CEP83: variants seen among roughly 807,000 people sequenced by gnomAD.
CEP83 encodes centrosomal protein 83, also known as centrosomal protein of 83 kDa.
Under a neutral mutation model 101.9 loss-of-function variants are expected in CEP83, and 70 were observed. The ratio of observed to expected loss-of-function variants is 0.69; its 90% CI spans 0.57 to 0.84. The LOEUF (loss-of-function observed/expected upper bound fraction) is 0.84, where lower values mean the gene tolerates loss of function less well. Among genes scored for constraint, CEP83 ranks in the 40% least tolerant of loss-of-function variants. The pLI is 0.00. For missense variants in CEP83, 715 were observed against 787.2 expected (o/e 0.91, Z 1.10); for synonymous variants, 264 against 267.9 (o/e 0.99, Z 0.14).
intron 6 of CEP83, among the ~76,000 whole-genome samples, chr12:94,398,133 C>T (rs558197753): frequency 1.3e-5 from 2 of 152,302 alleles, no homozygotes; most frequent in South Asian, 4.1e-4. Context: ...ATGGACTTAG[C>T]ATATGTATGG....
chr12:94,369,015 C>G (rs1487653012), intron 9 of CEP83: 1 of 152,152 alleles, frequency 6.6e-6, no homozygotes, highest in Non-Finnish European at 1.5e-5. Context: ...TCATCATAAA[C>G]TCTGTCTGAA....
chr12:94,324,770 A>G (rs1270399355), intron 14 of CEP83, among the ~76,000 whole-genome samples: 1 of 152,164 alleles, frequency 6.6e-6, no homozygotes, highest in South Asian at 2.1e-4. Context: ...CTGATCTGTA[A>G]CCTGGACAAC....
chr12:94,408,154 C>T (rs1399914260), intron 4 of CEP83: 1 of 152,194 alleles, frequency 6.6e-6, no homozygotes, highest in Non-Finnish European at 1.5e-5. Context: ...CACTACTTGT[C>T]TCCAAAGAAA....
At chr12:94,304,840 T>C (rs1281020478), downstream of CEP83, among the ~76,000 whole-genome samples, 1 of 152,212 alleles carries the variant, frequency 6.6e-6, no homozygotes, top group African/African-American at 2.4e-5. Context: ...GCCTGCTGCA[T>C]TTAAGGAGAA....
At chr12:94,329,268 AATT>A (rs1279893894) in intron 14 of CEP83, among the ~76,000 whole-genome samples, 15 of 151,820 alleles carry the variant, frequency 9.9e-5, no homozygotes, top group South Asian at 4.2e-4. Flanking sequence ...TTTTTTGTTT[AATT>A]ATTATTTTTT....
chr12:94,294,165 G>A, the CEP83 span, among the ~76,000 whole-genome samples: 2 of 152,168 alleles, frequency 1.3e-5, no homozygotes, highest in East Asian at 3.9e-4. Context: ...ACACAGCTCA[G>A]TCTTCCCCTC....
intron 11 of CEP83, among the ~76,000 whole-genome samples, chr12:94,338,760 T>C (rs541137410): frequency 6.6e-6 from 1 of 152,072 alleles, no homozygotes; most frequent in South Asian, 2.1e-4. Context: ...GAAGTAATTA[T>C]GAAGGCAGAA....
intron 1 of CEP83, among the ~76,000 whole-genome samples, chr12:94,437,353 A>G (rs1304977221): frequency 6.6e-6 from 1 of 152,148 alleles, no homozygotes; most frequent in Non-Finnish European, 1.5e-5. Flanking sequence ...TAAAACACAT[A>G]CACACACACA....
intron 11 of CEP83, among the ~76,000 whole-genome samples, chr12:94,357,531 C>T (rs1473243406): frequency 3.9e-5 from 6 of 152,278 alleles, no homozygotes; most frequent in Non-Finnish European, 1.5e-5. Flanking sequence ...CCGTCTCGGG[C>T]CCTGTTCTAA....
At chr12:94,381,071 C>T (rs1024340319) in intron 6 of CEP83, among the ~76,000 whole-genome samples, 1 of 152,072 alleles carries the variant, frequency 6.6e-6, no homozygotes, top group African/African-American at 2.4e-5. Flanking sequence ...TACTAAGTAC[C>T]CAAAACTGTT....
intron 9 of CEP83, chr12:94,368,814 T>C (rs928136269): frequency 6.6e-6 from 1 of 152,178 alleles, no homozygotes; most frequent in African/African-American, 2.4e-5. Context: ...ACTTCTTAAC[T>C]CTATGGAAAT....
At chr12:94,370,263 G>T (rs371806947) in intron 8 of CEP83, among the ~76,000 whole-genome samples, 12 of 152,206 alleles carry the variant, frequency 7.9e-5, no homozygotes. Flanking sequence ...ACGAATATCT[G>T]TGTATGGTCC....
chr12:94,386,039 T>C (rs535355814), intron 6 of CEP83, among the ~76,000 whole-genome samples: 1 of 152,312 alleles, frequency 6.6e-6, no homozygotes, highest in African/African-American at 2.4e-5. Context: ...TGCATATATG[T>C]ATAGTCCATG....
intron 1 of CEP83, among the ~76,000 whole-genome samples, chr12:94,452,042 C>T (rs1187780528): frequency 2.0e-5 from 3 of 152,104 alleles, no homozygotes; most frequent in African/African-American, 4.8e-5. Context: ...CATTGATATA[C>T]ATACATTAAA....
intron 6 of CEP83, among the ~76,000 whole-genome samples, chr12:94,386,709 T>C (rs909536779): frequency 1.3e-5 from 2 of 152,142 alleles, no homozygotes; most frequent in Admixed American, 6.5e-5. Flanking sequence ...GTAAATTCCA[T>C]CCCTATTCCA....
At chr12:94,295,069 T>C in the CEP83 span, among the ~76,000 whole-genome samples, 3 of 152,360 alleles carry the variant, frequency 2.0e-5, no homozygotes, top group African/African-American at 7.2e-5. Flanking sequence ...TCTGCTTCCC[T>C]GATAGCCCTG....
intron 14 of CEP83, among the ~76,000 whole-genome samples, chr12:94,314,680 C>T (rs1970387732): frequency 6.6e-6 from 1 of 152,220 alleles, no homozygotes; most frequent in Non-Finnish European, 1.5e-5. Context: ...CATTCATTCT[C>T]ATGCTTTGAT....
intron 1 of CEP83, among the ~76,000 whole-genome samples, chr12:94,436,724 G>A (rs11107536): frequency 0.24 from 36,164 of 151,184 alleles, 4,779 homozygotes; most frequent in South Asian, 0.33. Context: ...CCAGCTACTC[G>A]GGAGGCTGAG....
At chr12:94,397,606 T>C (rs1025694321) in intron 6 of CEP83, among the ~76,000 whole-genome samples, 54 of 152,286 alleles carry the variant, frequency 3.5e-4, no homozygotes, top group African/African-American at 1.3e-3. Context: ...AGTCATCAGA[T>C]TTCGAATGCA....
Sources: allele counts gnomAD v4.1 joint callset (sites outside exome capture counted in the v4.1 genomes callset), GRCh38; gene constraint gnomAD v4.1.1; transcripts MANE v1.5; gene names NCBI Gene and HGNC (gene_info 2026-07-23, HGNC 2026-07-21).